SPOCK1: variants seen among roughly 807,000 people sequenced by gnomAD.
SPOCK1 encodes the protein SPARC (osteonectin), cwcv and kazal like domains proteoglycan 1.
A neutral mutation model predicts 55.3 loss-of-function variants in SPOCK1; 23 were observed. The observed-to-expected ratio is 0.42, with a 90% CI of 0.30 to 0.59. The LOEUF (loss-of-function observed/expected upper bound fraction) is 0.59. SPOCK1 is among the 20% of genes least tolerant of loss of function. The pLI, the probability that SPOCK1 is intolerant of heterozygous loss-of-function variation, is 0.22. For synonymous variants in SPOCK1, 226 were observed against 221.0 expected (o/e 1.02, Z -0.20); for missense variants, 499 against 552.5 (o/e 0.90, Z 0.97).
chr5:137,100,964 T>G (rs1414934608), intron 5 of SPOCK1, among the ~76,000 whole-genome samples: 1 of 152,126 alleles, frequency 6.6e-6, no homozygotes, highest in Non-Finnish European at 1.5e-5. Context: ...CAACAACTCA[T>G]GGTAAGTCCC....
chr5:137,233,457 C>G (rs1263339503), intron 3 of SPOCK1, among the ~76,000 whole-genome samples: 1 of 152,210 alleles, frequency 6.6e-6, no homozygotes, highest in Non-Finnish European at 1.5e-5. Flanking sequence ...GGAGGTGGAG[C>G]TCAGGCAGTG....
chr5:137,488,850 G>A (rs1276332240), intron 2 of SPOCK1, among the ~76,000 whole-genome samples: 1 of 152,092 alleles, frequency 6.6e-6, no homozygotes, highest in Non-Finnish European at 1.5e-5. Context: ...AGTGTGATGT[G>A]TCCCAGATCA....
intron 2 of SPOCK1, among the ~76,000 whole-genome samples, chr5:137,417,837 G>A (rs561765450): frequency 5.3e-5 from 8 of 152,088 alleles, no homozygotes; most frequent in Admixed American, 1.3e-4. Context: ...AAGGTTTAGG[G>A]TACATGTGCA....
At chr5:137,036,484 G>C (rs565741655) in intron 6 of SPOCK1, among the ~76,000 whole-genome samples, 94 of 152,244 alleles carry the variant, frequency 6.2e-4, no homozygotes, top group African/African-American at 2.2e-3. Context: ...CTATCAACCT[G>C]TTTGTTTATC....
At chr5:137,107,891 A>T (rs2127029574) in intron 5 of SPOCK1, among the ~76,000 whole-genome samples, 1 of 152,314 alleles carries the variant, frequency 6.6e-6, no homozygotes, top group Non-Finnish European at 1.5e-5. Context: ...GTGATTATGT[A>T]TTATGGAGTG....
At chr5:137,145,202 G>A (rs1754169301) in intron 3 of SPOCK1, among the ~76,000 whole-genome samples, 1 of 152,100 alleles carries the variant, frequency 6.6e-6, no homozygotes, top group African/African-American at 2.4e-5. Flanking sequence ...AATTTAAAGA[G>A]ATTTGTTAAG....
intron 2 of SPOCK1, among the ~76,000 whole-genome samples, chr5:137,407,503 TG>T (rs1561527482): frequency 2.0e-5 from 3 of 152,154 alleles, no homozygotes; most frequent in Non-Finnish European, 2.9e-5. Context: ...AACTATTCCA[TG>T]GTAGCATTCG....
intron 2 of SPOCK1, among the ~76,000 whole-genome samples, chr5:137,269,206 A>G (rs1300643878): frequency 6.6e-6 from 1 of 152,222 alleles, no homozygotes; most frequent in Admixed American, 6.5e-5. Context: ...ATTGCTGCCA[A>G]AATGTGAAAG....
intron 6 of SPOCK1, among the ~76,000 whole-genome samples, chr5:136,996,228 A>T (rs1473771727): frequency 6.6e-6 from 1 of 152,162 alleles, no homozygotes; most frequent in Non-Finnish European, 1.5e-5. Context: ...AGGGAAAAGT[A>T]ATGTTCGTGG....
intron 3 of SPOCK1, among the ~76,000 whole-genome samples, chr5:137,238,843 T>C (rs530630905): frequency 1.3e-5 from 2 of 152,344 alleles, no homozygotes; most frequent in Non-Finnish European, 2.9e-5. Context: ...AGATATACAC[T>C]TGATCTTAGC....
chr5:137,139,751 A>C (rs1279110429), intron 4 of SPOCK1, among the ~76,000 whole-genome samples: 2 of 152,140 alleles, frequency 1.3e-5, no homozygotes, highest in Non-Finnish European at 2.9e-5. Context: ...AGTGCAGAAT[A>C]TGCACTGAAA....
At chr5:137,096,586 GAA>G (rs1753150772) in intron 5 of SPOCK1, among the ~76,000 whole-genome samples, 1 of 152,192 alleles carries the variant, frequency 6.6e-6, no homozygotes, top group Non-Finnish European at 1.5e-5. Flanking sequence ...AACTACTCAG[GAA>G]AAGAGGCTGC....
chr5:137,030,545 G>A (rs1036154726), intron 6 of SPOCK1, among the ~76,000 whole-genome samples: 1 of 152,138 alleles, frequency 6.6e-6, no homozygotes, highest in Non-Finnish European at 1.5e-5. Flanking sequence ...ATCAATTCTG[G>A]GGGGAGGTCT....
chr5:137,043,317 C>A (rs1298018695), intron 6 of SPOCK1, among the ~76,000 whole-genome samples: 1 of 152,060 alleles, frequency 6.6e-6, no homozygotes, highest in African/African-American at 2.4e-5. Context: ...CTTTAAGAAA[C>A]AAATAAATGG....
intron 5 of SPOCK1, among the ~76,000 whole-genome samples, chr5:137,084,322 C>A (rs1440001124): frequency 6.6e-6 from 1 of 151,972 alleles, no homozygotes; most frequent in South Asian, 2.1e-4. Context: ...GCAGGACACA[C>A]CTCAGAAGCT....
intron 2 of SPOCK1, among the ~76,000 whole-genome samples, chr5:137,352,933 A>G (rs1166507570): frequency 6.6e-6 from 1 of 152,152 alleles, no homozygotes; most frequent in African/African-American, 2.4e-5. Flanking sequence ...ACATACAATT[A>G]TTTTCTATAT....
chr5:136,993,921 C>A (rs755832184), intron 6 of SPOCK1, among the ~76,000 whole-genome samples: 12 of 152,182 alleles, frequency 7.9e-5, no homozygotes, highest in Admixed American at 3.9e-4. Context: ...CTAGGTGAAA[C>A]TTCTCCAGAA....
intron 2 of SPOCK1, among the ~76,000 whole-genome samples, chr5:137,401,681 GT>G (rs1442123689): frequency 1.3e-5 from 2 of 152,206 alleles, no homozygotes; most frequent in African/African-American, 4.8e-5. Flanking sequence ...GGAGTTTGAG[GT>G]TACAGTGAGC....
At chr5:137,004,076 G>A (rs1288051311) in intron 6 of SPOCK1, among the ~76,000 whole-genome samples, 1 of 152,172 alleles carries the variant, frequency 6.6e-6, no homozygotes, top group Non-Finnish European at 1.5e-5. Flanking sequence ...TGGAAGGGTG[G>A]TAGCATTGAC....
Sources: gnomAD v4.1 joint callset for allele counts (sites outside exome capture counted in the v4.1 genomes callset) on GRCh38, gnomAD v4.1.1 for gene constraint, MANE v1.5 for transcripts, NCBI Gene and HGNC (gene_info 2026-07-23, HGNC 2026-07-21) for gene names.